The following DLGAP2 variants were observed in gnomAD, a reference collection of about 807,000 sequenced individuals.
DLGAP2 encodes the protein disks large-associated protein 2.
DLGAP2 carries 26 observed loss-of-function variants against 100.3 expected under a neutral mutation model. The ratio of observed to expected loss-of-function variants is 0.26; its 90% CI spans 0.19 to 0.36. The LOEUF (loss-of-function observed/expected upper bound fraction) is 0.36, where lower values mean the gene tolerates loss of function less well. DLGAP2 is among the 10% of genes least tolerant of loss of function. The pLI is 1.00. For missense variants in DLGAP2, 1,858 were observed against 1,453.2 expected, an observed-to-expected ratio of 1.28 and a Z score of -4.53; for synonymous variants, 886 against 630.1, an observed-to-expected ratio of 1.41 and a Z score of -6.08.
chr8:1,493,282 T>C lies in DLGAP2; in HGVS notation c.107-8084T>C, dbSNP rs112837741. Among the ~76,000 whole-genome samples the C allele has an allele frequency of 9.9e-3, 1,513 of 152,230 alleles. 13 individuals are homozygous for C. The highest frequency in any genetic ancestry group is 0.018 in the Non-Finnish European group (1,199 of 68,000). On this transcript the variant is annotated intron_variant, in intron 3 of 14. Coordinates refer to ENST00000637795, the MANE Select transcript of DLGAP2 (RefSeq NM_001346810.2). ...TCTCCGCAGCTCTGAGACACGCCTC[T>C]GTGGACGGAGGGCACAGACGGCTGC...
intron 2 of DLGAP2, among the ~76,000 whole-genome samples, chr8:938,357 T>C (rs1294471444): frequency 6.6e-6 from 1 of 152,128 alleles, no homozygotes; most frequent in African/African-American, 2.4e-5. Flanking sequence ...CCACCATGCC[T>C]GGCTGATTTT....
intron 1 of DLGAP2, chr8:821,993 A>G: frequency 2.5e-6 from 1 of 396,238 alleles, no homozygotes; most frequent in East Asian, 3.6e-5. Flanking sequence ...ATTATTGCTT[A>G]GTCTCACTTT....
rs1175999065 is a variant in DLGAP2 at position 1,348,735 on chromosome 8, C to G, written c.106+89852C>G. Among the ~76,000 whole-genome samples, 6 of 152,224 alleles carry G rather than the reference C, an allele frequency of 3.9e-5. No individual in the cohort carries two copies. In the East Asian group the frequency reaches 1.2e-3, roughly 29 times the overall value. On this transcript the variant is annotated intron_variant, in intron 3 of 14. Coordinates refer to ENST00000637795, the MANE Select transcript of DLGAP2 (RefSeq NM_001346810.2). ...GCTGTGCGGAGGTTGAGTGCCCATGCTCTGCTGTCTTACACTCATGATGGC... is the reference window on the plus strand; with the variant it reads ...GCTGTGCGGAGGTTGAGTGCCCATGGTCTGCTGTCTTACACTCATGATGGC...
intron 2 of DLGAP2, among the ~76,000 whole-genome samples, chr8:1,188,828 T>G (rs1204085929): frequency 1.6e-5 from 2 of 123,986 alleles, no homozygotes; most frequent in African/African-American, 1.2e-4. Flanking sequence ...GGATGTGCCT[T>G]TTTTTAGGAA....
At chr8:1,211,561 C>T (rs947653474) in intron 2 of DLGAP2, among the ~76,000 whole-genome samples, 5 of 152,234 alleles carry the variant, frequency 3.3e-5, no homozygotes, top group African/African-American at 1.2e-4. Context: ...GTTGCCACCA[C>T]ATCACCGTAT....
chr8:1,593,255 C>G (rs1796344211), intron 6 of DLGAP2, among the ~76,000 whole-genome samples: 1 of 152,012 alleles, frequency 6.6e-6, no homozygotes, highest in Non-Finnish European at 1.5e-5. Context: ...GAGATTGAGA[C>G]CATCCTGGGT....
At chr8:1,515,881 AC>A (rs1370492903) in intron 4 of DLGAP2, among the ~76,000 whole-genome samples, 1 of 152,122 alleles carries the variant, frequency 6.6e-6, no homozygotes, top group Non-Finnish European at 1.5e-5. Flanking sequence ...TCCACATCTC[AC>A]AGAGGGATGG....
intron 1 of DLGAP2, among the ~76,000 whole-genome samples, chr8:776,157 T>C (rs1366803083): frequency 1.3e-5 from 2 of 150,816 alleles, no homozygotes; most frequent in South Asian, 2.1e-4. Flanking sequence ...TGTAGTATTC[T>C]CTGATGGTAG....
intron 2 of DLGAP2, among the ~76,000 whole-genome samples, chr8:1,176,247 C>G (rs769514718): frequency 1.6e-4 from 24 of 152,110 alleles, no homozygotes; most frequent in Non-Finnish European, 2.9e-4. Context: ...CATCAGACCT[C>G]GTGAGAATTC....
intron 5 of DLGAP2, among the ~76,000 whole-genome samples, chr8:1,554,642 C>A (rs1242142380): frequency 6.6e-6 from 1 of 152,148 alleles, no homozygotes; most frequent in Non-Finnish European, 1.5e-5. Flanking sequence ...CACTCAGTAA[C>A]AATTAGCGAG....
chr8:956,857 T>C (rs1293622282), intron 2 of DLGAP2, among the ~76,000 whole-genome samples: 2 of 152,222 alleles, frequency 1.3e-5, no homozygotes, highest in Non-Finnish European at 2.9e-5. Context: ...TTATTGTGGT[T>C]GTCCAGCAAC....
At chr8:1,411,200 T>C (rs1796720755) in intron 3 of DLGAP2, among the ~76,000 whole-genome samples, 1 of 152,170 alleles carries the variant, frequency 6.6e-6, no homozygotes, top group Non-Finnish European at 1.5e-5. Context: ...AATTATTCAT[T>C]GCAATAATTT....
chr8:1,572,459 C>A (rs111362006), intron 6 of DLGAP2, among the ~76,000 whole-genome samples: 4 of 92,108 alleles, frequency 4.3e-5, no homozygotes, highest in Non-Finnish European at 8.3e-5. Flanking sequence ...AACTGTGGGG[C>A]GTCTGATGAG....
At chr8:803,072 C>T (rs1382471996) in intron 1 of DLGAP2, among the ~76,000 whole-genome samples, 4 of 152,202 alleles carry the variant, frequency 2.6e-5, no homozygotes, top group Admixed American at 6.5e-5. Flanking sequence ...GCTGCCATGA[C>T]GGGCTTGGAC....
intron 3 of DLGAP2, among the ~76,000 whole-genome samples, chr8:1,333,435 T>C (rs1377602133): frequency 6.6e-6 from 1 of 152,162 alleles, no homozygotes; most frequent in African/African-American, 2.4e-5. Flanking sequence ...TGTGATCTCG[T>C]CCCTGACACT....
chr8:1,256,272 C>CTG (rs1307838764), intron 2 of DLGAP2, among the ~76,000 whole-genome samples: 1 of 120,058 alleles, frequency 8.3e-6, no homozygotes, highest in African/African-American at 3.3e-5. Context: ...TGCCTGGGTG[C>CTG]TGTGTGTGTG....
At chr8:1,557,463 G>C (rs891439338) in intron 5 of DLGAP2, among the ~76,000 whole-genome samples, 6 of 152,144 alleles carry the variant, frequency 3.9e-5, no homozygotes, top group African/African-American at 1.4e-4. Context: ...GAGGGCAGGG[G>C]TGAGCAGCGG....
intron 6 of DLGAP2, among the ~76,000 whole-genome samples, chr8:1,583,941 C>T (rs1796032040): frequency 6.6e-6 from 1 of 152,058 alleles, no homozygotes; most frequent in Non-Finnish European, 1.5e-5. Flanking sequence ...CTCCTTGCTG[C>T]CGGTCATCCT....
At chr8:1,352,510 T>C (rs1407375333) in intron 3 of DLGAP2, among the ~76,000 whole-genome samples, 1 of 152,188 alleles carries the variant, frequency 6.6e-6, no homozygotes, top group Non-Finnish European at 1.5e-5. Flanking sequence ...ACAGACGTCT[T>C]AAGTGCCACC....
Sources: allele counts gnomAD v4.1 joint callset (sites outside exome capture counted in the v4.1 genomes callset), GRCh38; gene constraint gnomAD v4.1.1; transcripts MANE v1.5; gene names NCBI Gene and HGNC (gene_info 2026-07-23, HGNC 2026-07-21).